The following CTNND2 variants were observed in gnomAD, a reference collection of about 807,000 sequenced individuals.
CTNND2 encodes catenin delta-2.
A neutral mutation model predicts 144.4 loss-of-function variants in CTNND2; 22 were observed. That is an observed-to-expected ratio of 0.15 (90% confidence interval 0.11 to 0.22). The LOEUF is 0.22. Among genes scored for constraint, CTNND2 ranks in the 10% least tolerant of loss-of-function variants. The pLI is 1.00. For missense variants in CTNND2, 1,353 were observed against 1,618.8 expected, an observed-to-expected ratio of 0.84 and a Z score of 2.82; for synonymous variants, 751 against 695.6, an observed-to-expected ratio of 1.08 and a Z score of -1.25.
intron 3 of CTNND2, among the ~76,000 whole-genome samples, chr5:11,491,422 G>A (rs1343745506): frequency 1.3e-5 from 2 of 152,134 alleles, no homozygotes; most frequent in East Asian, 1.9e-4. Context: ...CAACAGGTAG[G>A]TACAATTCTT....
At chr5:11,742,955 C>A (rs1446999095) in intron 1 of CTNND2, among the ~76,000 whole-genome samples, 1 of 152,144 alleles carries the variant, frequency 6.6e-6, no homozygotes, top group African/African-American at 2.4e-5. Flanking sequence ...CATATCGCTA[C>A]CAAAAGAAAT....
intron 12 of CTNND2, among the ~76,000 whole-genome samples, chr5:11,143,932 T>C (rs888361649): frequency 1.3e-5 from 2 of 150,146 alleles, no homozygotes; most frequent in East Asian, 2.0e-4. Flanking sequence ...GTTTCTACCA[T>C]AGGGGCTTGT....
At chr5:11,582,726 G>C (rs1354352475) in intron 2 of CTNND2, among the ~76,000 whole-genome samples, 1 of 152,178 alleles carries the variant, frequency 6.6e-6, no homozygotes. Context: ...AGATGGAAGA[G>C]GAAGACACCA....
At chr5:11,306,466 G>A (rs1275690182) in intron 9 of CTNND2, among the ~76,000 whole-genome samples, 1 of 152,146 alleles carries the variant, frequency 6.6e-6, no homozygotes, top group African/African-American at 2.4e-5. Flanking sequence ...AGCTATCATG[G>A]GGTGGATCCG....
At chr5:11,660,863 G>A (rs1400297389) in intron 2 of CTNND2, among the ~76,000 whole-genome samples, 1 of 152,008 alleles carries the variant, frequency 6.6e-6, no homozygotes, top group Non-Finnish European at 1.5e-5. Flanking sequence ...ATCTATGTAG[G>A]ATCAATATAA....
intron 1 of CTNND2, among the ~76,000 whole-genome samples, chr5:11,775,748 GAAT>G (rs1314402156): frequency 6.6e-6 from 1 of 152,188 alleles, no homozygotes; most frequent in Non-Finnish European, 1.5e-5. Flanking sequence ...GCGCTGGGAG[GAAT>G]AATATACCCC....
At chr5:11,267,040 G>A (rs1283346951) in intron 9 of CTNND2, among the ~76,000 whole-genome samples, 5 of 152,166 alleles carry the variant, frequency 3.3e-5, no homozygotes, top group East Asian at 1.9e-4. Flanking sequence ...CACCACGCCC[G>A]GCTAATTTTT....
chr5:11,669,989 G>T (rs1260610235), intron 2 of CTNND2, among the ~76,000 whole-genome samples: 1 of 152,122 alleles, frequency 6.6e-6, no homozygotes, highest in African/African-American at 2.4e-5. Context: ...CTTTATTTAT[G>T]CCTTCATTTC....
At chr5:11,158,794 A>G (rs929075868) in intron 12 of CTNND2, among the ~76,000 whole-genome samples, 1 of 152,214 alleles carries the variant, frequency 6.6e-6, no homozygotes, top group Non-Finnish European at 1.5e-5. Context: ...TTATTTGGCT[A>G]GGTGTTTTCA....
At chr5:11,730,933 G>A (rs780838426) in intron 2 of CTNND2, among the ~76,000 whole-genome samples, 3 of 152,170 alleles carry the variant, frequency 2.0e-5, no homozygotes, top group Non-Finnish European at 4.4e-5. Flanking sequence ...CCATAACAAG[G>A]TAGTGTATTG....
chr5:11,687,082 C>T (rs1459327655), intron 2 of CTNND2, among the ~76,000 whole-genome samples: 1 of 152,040 alleles, frequency 6.6e-6, no homozygotes, highest in Non-Finnish European at 1.5e-5. Flanking sequence ...CAATATAATT[C>T]ACCTGGTTAA....
chr5:11,092,515 G>A (rs934355690), intron 15 of CTNND2, among the ~76,000 whole-genome samples: 2 of 152,208 alleles, frequency 1.3e-5, no homozygotes, highest in African/African-American at 2.4e-5. Flanking sequence ...ACTGAGTCCT[G>A]TGATTAGGAC....
In CTNND2 at chr5:10,981,805, C is replaced by T. The variant is rs1737310670; in HGVS notation, c.3385G>A (p.Gly1129Ser). The T allele has an allele frequency of 6.2e-7, 1 of 1,613,956 alleles. No homozygotes were observed. Among genetic ancestry groups the T allele is most frequent in the Non-Finnish European group, 8.5e-7 (1 of 1,179,960 alleles). The part of the protein sequence containing the change: ...GISTLYRNSY[G>S]APAEDIKHNQ... ...TGTTTGATGTCTTCAGCGGGCGCACCATAAGAATTCCTATACAAAGTTGAA... is the reference window on the plus strand; with the variant it reads ...TGTTTGATGTCTTCAGCGGGCGCACTATAAGAATTCCTATACAAAGTTGAA... Residue 1129 changes from glycine (G) to serine (S), a missense_variant, in exon 21 of 22, where the codon GGT becomes AGT. By Grantham distance (56) the Gly-to-Ser change is moderately conservative. Coordinates refer to ENST00000304623, the MANE Select transcript of CTNND2 (RefSeq NM_001332.4).
At chr5:11,561,308 G>A (rs2150101457) in intron 3 of CTNND2, among the ~76,000 whole-genome samples, 1 of 152,296 alleles carries the variant, frequency 6.6e-6, no homozygotes. Context: ...CTCTATTTGT[G>A]GGAAAGATGA....
chr5:11,081,190 G>T (rs1257716033), intron 16 of CTNND2, among the ~76,000 whole-genome samples: 1 of 151,388 alleles, frequency 6.6e-6, no homozygotes, highest in Non-Finnish European at 1.5e-5. Flanking sequence ...GGAATGGGGA[G>T]ATGTTGGTGG....
At chr5:11,454,702 G>A (rs944728769) in intron 3 of CTNND2, among the ~76,000 whole-genome samples, 1 of 151,600 alleles carries the variant, frequency 6.6e-6, no homozygotes, top group African/African-American at 2.4e-5. Context: ...TTTCAAGCAA[G>A]TCTCTCTCAT....
intron 16 of CTNND2, among the ~76,000 whole-genome samples, chr5:11,063,782 T>C (rs1282612049): frequency 6.8e-6 from 1 of 146,896 alleles, no homozygotes; most frequent in East Asian, 2.1e-4. Context: ...CTGGCAACAA[T>C]TTAAATCTAA....
rs147913257 is a variant in CTNND2 at position 11,221,371 on chromosome 5, G to A, written c.1761+15320C>T. ...GATGGCACATGTAGGTGCCCACAGA[G>A]CAGGGTTATTATGCATTTGTAGTTC... On this transcript the variant is annotated intron_variant, in intron 10 of 21. Coordinates refer to ENST00000304623, the MANE Select transcript of CTNND2 (RefSeq NM_001332.4). Among the ~76,000 whole-genome samples, 252 of 152,308 alleles carry A rather than the reference G, an allele frequency of 1.7e-3. 4 individuals carry two copies. The East Asian group carries it at 0.03, about 18-fold the overall frequency.
chr5:11,123,509 C>A (rs1245449290), intron 12 of CTNND2, among the ~76,000 whole-genome samples: 1 of 152,212 alleles, frequency 6.6e-6, no homozygotes, highest in Non-Finnish European at 1.5e-5. Context: ...CAAGGCACAC[C>A]AACTGTTTCG....
Sources: allele counts gnomAD v4.1 joint callset (sites outside exome capture counted in the v4.1 genomes callset), GRCh38; gene constraint gnomAD v4.1.1; transcripts MANE v1.5; gene names NCBI Gene and HGNC (gene_info 2026-07-23, HGNC 2026-07-21).